Variants in PLOD2 observed in about 807,000 individuals in gnomAD.
PLOD2 encodes procollagen-lysine,2-oxoglutarate 5-dioxygenase 2, also known as lysine hydroxylase 2.
In PLOD2, 65 loss-of-function variants were observed where a neutral mutation model predicts 101.0. That is an observed-to-expected ratio of 0.64 (90% CI 0.53 to 0.79). The LOEUF is 0.79. Among genes scored for constraint, PLOD2 ranks in the 30% least tolerant of loss-of-function variants. The pLI is 0.00. For missense variants in PLOD2, 909 were observed against 914.6 expected (o/e 0.99, Z 0.08); for synonymous variants, 314 against 302.9 (o/e 1.04, Z -0.38).
At chr3:146,112,923 A>G (rs1244297603) in intron 3 of PLOD2, among the ~76,000 whole-genome samples, 1 of 151,960 alleles carries the variant, frequency 6.6e-6, no homozygotes, top group Non-Finnish European at 1.5e-5. Context: ...ATGTATACCT[A>G]TGTAACAAAC....
chr3:146,154,523 G>A (rs2032213239), intron 1 of PLOD2, among the ~76,000 whole-genome samples: 2 of 150,776 alleles, frequency 1.3e-5, no homozygotes, highest in African/African-American at 2.4e-5. Flanking sequence ...GAAGAGCAAA[G>A]GTTATCCAGT....
At position 146,070,578 on chromosome 3, in the gene PLOD2, C is replaced by A; in HGVS notation, c.*139G>T. The A allele has an allele frequency of 1.7e-6, 1 of 576,384 alleles. No homozygotes were observed. The highest frequency in any genetic ancestry group is 3.1e-6 in the Non-Finnish European group (1 of 326,680). The allele number at this position is 576,384 out of a possible 1,614,324, so 35.7% of individuals were successfully genotyped here. ...AAACAATTTTTTATAAAAAGTTTTT[C>A]AAATGTTTGGCCCAAAGTGAAGTTG... On this transcript the variant is annotated 3_prime_UTR_variant, in exon 20 of 20. Coordinates refer to ENST00000282903, the MANE Select transcript of PLOD2 (RefSeq NM_182943.3).
At position 146,085,226 on chromosome 3, in the gene PLOD2, T is replaced by A; in HGVS notation, c.1175A>T (p.Asp392Val). The change falls in exon 11 of 20, where the codon GAT (aspartate) becomes GTT (valine). Residue 392 changes from aspartate (D) to valine (V), a missense_variant. Asp to Val is a radical substitution (Grantham distance 152, BLOSUM62 -3). Transcript: ENST00000282903. Reference sequence around the variant, plus strand: ...TGGATTTGTCAAAACAACATCTGCATCCACACTAAAGTAATAATCACACTT... The same window carrying A: ...TGGATTTGTCAAAACAACATCTGCAACCACACTAAAGTAATAATCACACTT... Reference protein sequence around the residue: ...DEKCDYYFSVDADVVLTNPRT... With the variant: ...DEKCDYYFSVVADVVLTNPRT... 1 of 1,609,366 alleles carries A rather than the reference T, an allele frequency of 6.2e-7. No homozygotes were observed. Among genetic ancestry groups the A allele is most frequent in the Non-Finnish European group, 8.5e-7 (1 of 1,176,058 alleles).
In PLOD2 at chr3:146,115,006, G is replaced by GAAAAC. The variant is rs796759586; in HGVS notation, c.339-4563_339-4559dup. Among the ~76,000 whole-genome samples the GAAAAC allele has an allele frequency of 2.6e-4, 40 of 152,176 alleles. 1 individual carries two copies. The highest frequency in any genetic ancestry group is 9.4e-4 in the African/African-American group (39 of 41,528). ...GGGATGAATTAATAAAATGAATATA[G>GAAAAC]AAAACAAAACAAAACAAAAAAACTT... On this transcript the variant is annotated intron_variant, in intron 3 of 19. Transcript: ENST00000282903.
intron 1 of PLOD2, among the ~76,000 whole-genome samples, chr3:146,159,564 G>A (rs567061187): frequency 6.6e-6 from 1 of 152,212 alleles, no homozygotes; most frequent in African/African-American, 2.4e-5. Context: ...TTTTTGTTCT[G>A]TTTTTCCTTT....
intron 7 of PLOD2, among the ~76,000 whole-genome samples, chr3:146,102,539 T>C (rs1470110419): frequency 1.3e-5 from 2 of 152,146 alleles, no homozygotes; most frequent in Non-Finnish European, 2.9e-5. Flanking sequence ...GTGCTGTAAA[T>C]AGAATAAAAG....
intron 7 of PLOD2, among the ~76,000 whole-genome samples, chr3:146,095,765 T>A (rs187177883): frequency 2.9e-4 from 44 of 152,232 alleles, no homozygotes; most frequent in Middle Eastern, 3.4e-3. Flanking sequence ...CATGTATGTT[T>A]ATTGCAGCAC....
intron 1 of PLOD2, among the ~76,000 whole-genome samples, chr3:146,137,831 T>C (rs954343778): frequency 4.6e-5 from 7 of 151,668 alleles, no homozygotes; most frequent in African/African-American, 1.7e-4. Context: ...TGCCAAATAA[T>C]AAAAAAATTG....
At chr3:146,158,430 G>A (rs2108153408) in intron 1 of PLOD2, among the ~76,000 whole-genome samples, 1 of 152,222 alleles carries the variant, frequency 6.6e-6, no homozygotes, top group East Asian at 1.9e-4. Flanking sequence ...CTCAACTCTG[G>A]TCAACAAAGC....
chr3:146,091,732 T>C, intron 8 of PLOD2, 68 bp downstream of exon 8: 1 of 915,008 alleles, frequency 1.1e-6, no homozygotes, highest in South Asian at 1.3e-5. Flanking sequence ...TTTTTTCCTA[T>C]AAATCACAGT....
At chr3:146,071,530 A>C in intron 17 of PLOD2, 107 bp from the exon 18 acceptor site, 1 of 1,085,738 alleles carries the variant, frequency 9.2e-7, no homozygotes, top group Non-Finnish European at 1.4e-6. Context: ...TAAAAATAAC[A>C]GTTGTTCCAA....
chr3:146,146,846 T>C (rs2031803470), intron 1 of PLOD2, among the ~76,000 whole-genome samples: 1 of 152,186 alleles, frequency 6.6e-6, no homozygotes, highest in Non-Finnish European at 1.5e-5. Flanking sequence ...AAGCTTGTAA[T>C]TACTTTTGTT....
Position 146,081,750 on chromosome 3 carries a change from TG to T in PLOD2, c.1345del (p.Gln449LysfsTer5), listed in dbSNP as rs1248502995. The T allele has an allele frequency of 6.2e-7, 1 of 1,608,230 alleles. No individual in the cohort carries two copies. The highest frequency in any genetic ancestry group is 1.7e-5 in the Admixed American group (1 of 60,000). The part of the protein sequence containing the change: ...ARSEDYVDIV[Q>X]GNRVGVWNVP... Reference sequence around the variant, plus strand: ...CCAAGTAACTTACACTCTATTCCCTTGAACAATATCCACATAATCTTCAGAT... The same window carrying T: ...CCAAGTAACTTACACTCTATTCCCTTAACAATATCCACATAATCTTCAGAT... On this transcript the variant is annotated frameshift_variant, in exon 12 of 20. Coordinates refer to ENST00000282903, the MANE Select transcript of PLOD2 (RefSeq NM_182943.3). LOFTEE classifies it high-confidence loss of function.
chr3:146,157,744 TAA>T (rs1204022612), intron 1 of PLOD2, among the ~76,000 whole-genome samples: 2 of 152,190 alleles, frequency 1.3e-5, no homozygotes, highest in African/African-American at 4.8e-5. Context: ...TCATGTGAAA[TAA>T]AAGGCACAGT....
intron 13 of PLOD2, 38 bp downstream of exon 13, chr3:146,079,078 A>AT (rs774629216): frequency 6.2e-7 from 1 of 1,602,626 alleles, no homozygotes; most frequent in East Asian, 2.2e-5. Context: ...AAGCCATCTT[A>AT]TAAGAACATT....
chr3:146,088,760 TGTTTTA>T, intron 8 of PLOD2, 49 bp from the exon 9 acceptor site: 1 of 1,446,484 alleles, frequency 6.9e-7, no homozygotes, highest in East Asian at 2.3e-5. Flanking sequence ...AGTATGGTTT[TGTTTTA>T]AATTTTATTC....
At chr3:146,139,813 G>C (rs540964689) in intron 1 of PLOD2, among the ~76,000 whole-genome samples, 1 of 152,096 alleles carries the variant, frequency 6.6e-6, no homozygotes, top group East Asian at 1.9e-4. Flanking sequence ...CAGCACTAGG[G>C]AAGAAATATC....
At chr3:146,085,422 T>C (rs1240368583) in intron 10 of PLOD2, 149 bp from the exon 11 acceptor site, 2 of 625,490 alleles carry the variant, frequency 3.2e-6, no homozygotes, top group East Asian at 2.8e-5. Context: ...TGAAACGATA[T>C]ATATATTGTC....
At chr3:146,094,828 A>T (rs2108035863) in intron 7 of PLOD2, among the ~76,000 whole-genome samples, 1 of 152,194 alleles carries the variant, frequency 6.6e-6, no homozygotes, top group East Asian at 1.9e-4. Flanking sequence ...CTATACTACA[A>T]GGCTAGAGTA....
Sources: allele counts gnomAD v4.1 joint callset (sites outside exome capture counted in the v4.1 genomes callset), GRCh38; gene constraint gnomAD v4.1.1; transcripts MANE v1.5; gene names NCBI Gene and HGNC (gene_info 2026-07-23, HGNC 2026-07-21).